The following PPP2R5E variants were observed in gnomAD, a reference collection of about 807,000 sequenced individuals.
PPP2R5E encodes protein phosphatase 2 regulatory subunit B'epsilon.
In PPP2R5E, 4 loss-of-function variants were observed where a neutral mutation model predicts 65.3. The observed-to-expected ratio is 0.06, with a 90% CI of 0.03 to 0.14. PPP2R5E has a LOEUF of 0.14. Ranked by LOEUF, PPP2R5E falls within the 10% of genes least tolerant of loss-of-function variation. The probability of loss-of-function intolerance (pLI) is 1.00; values close to 1 mark genes in which losing one functional copy is unlikely to be tolerated. For missense variants in PPP2R5E, 274 were observed against 556.1 expected (o/e 0.49, Z 5.10); for synonymous variants, 183 against 187.4 (o/e 0.98, Z 0.19).
intron 2 of PPP2R5E, among the ~76,000 whole-genome samples, chr14:63,456,743 G>A (rs1889147970): frequency 6.6e-6 from 1 of 152,208 alleles, no homozygotes; most frequent in Non-Finnish European, 1.5e-5. Context: ...GAAACACAGT[G>A]AAAGACCAGA....
intron 13 of PPP2R5E, among the ~76,000 whole-genome samples, chr14:63,378,033 A>C (rs1884090297): frequency 6.6e-6 from 1 of 152,212 alleles, no homozygotes; most frequent in South Asian, 2.1e-4. Flanking sequence ...CTCCTGGTGC[A>C]TTCCAGATTC....
chr14:63,538,198 G>A (rs1893751427), intron 2 of PPP2R5E, among the ~76,000 whole-genome samples: 2 of 151,876 alleles, frequency 1.3e-5, no homozygotes, highest in Non-Finnish European at 2.9e-5. Context: ...CCGGCTACTC[G>A]GGAAAGGGAG....
At chr14:63,422,576 AT>A (rs952054395) in intron 3 of PPP2R5E, among the ~76,000 whole-genome samples, 2 of 152,070 alleles carry the variant, frequency 1.3e-5, no homozygotes, top group African/African-American at 4.8e-5. Flanking sequence ...AACACAAAAA[AT>A]TAGCCGGGCG....
At chr14:63,508,087 C>T (rs1365004158) in intron 2 of PPP2R5E, 2 of 952,782 alleles carry the variant, frequency 2.1e-6, no homozygotes, top group Admixed American at 6.2e-5. Flanking sequence ...AACCCTCACT[C>T]CACCCTCCTT....
chr14:63,495,653 A>G (rs1891521315), intron 2 of PPP2R5E, among the ~76,000 whole-genome samples: 1 of 151,770 alleles, frequency 6.6e-6, no homozygotes, highest in Non-Finnish European at 1.5e-5. Context: ...AATATATACT[A>G]ATTTCTTTTC....
chr14:63,452,346 T>C (rs1888892855), intron 3 of PPP2R5E: 2 of 152,208 alleles, frequency 1.3e-5, no homozygotes, highest in Admixed American at 1.3e-4. Flanking sequence ...TTCTCAACAG[T>C]GGCACTTGTG....
At chr14:63,527,164 C>T (rs910686048) in intron 2 of PPP2R5E, among the ~76,000 whole-genome samples, 1 of 151,630 alleles carries the variant, frequency 6.6e-6, no homozygotes, top group Non-Finnish European at 1.5e-5. Flanking sequence ...AGGGAAACTC[C>T]GTCTCAAAAA....
chr14:63,464,198 C>G (rs1353585907), intron 2 of PPP2R5E, among the ~76,000 whole-genome samples: 1 of 151,996 alleles, frequency 6.6e-6, no homozygotes, highest in Non-Finnish European at 1.5e-5. Context: ...GAAGAGGAGA[C>G]AAAAGTCCTG....
chr14:63,519,817 A>G (rs979575312), intron 2 of PPP2R5E, among the ~76,000 whole-genome samples: 9 of 150,434 alleles, frequency 6.0e-5, no homozygotes, highest in African/African-American at 2.2e-4. Flanking sequence ...ATGTGCCACC[A>G]TGTCCGGCTA....
In PPP2R5E at chr14:63,519,647, C is replaced by T. The variant is rs190232893; in HGVS notation, c.157+19882G>A. The stretch of plus-strand genomic sequence containing the variant: ...GGGATGACAGGCATGAGCCACCGTG[C>T]CTGGCCTAAGGACAAACTCTCTTTT... On this transcript the variant is annotated intron_variant, in intron 2 of 13. Transcript: ENST00000337537. Among the ~76,000 whole-genome samples the T allele has an allele frequency of 2.3e-3, 349 of 150,820 alleles. 1 individual carries two copies. The Middle Eastern group carries it at 0.038, about 16-fold the overall frequency.
chr14:63,410,962 G>A (rs1474243854), intron 5 of PPP2R5E, among the ~76,000 whole-genome samples: 2 of 152,132 alleles, frequency 1.3e-5, no homozygotes, highest in Admixed American at 6.5e-5. Context: ...GGAAGGGGCT[G>A]AAAACATAAA....
At chr14:63,399,950 C>G (rs1052913615) in intron 5 of PPP2R5E, among the ~76,000 whole-genome samples, 2 of 152,096 alleles carry the variant, frequency 1.3e-5, no homozygotes, top group Admixed American at 6.5e-5. Context: ...ATCGAATGTG[C>G]TTTTGTTCGG....
chr14:63,459,913 G>A (rs776162986), intron 2 of PPP2R5E, among the ~76,000 whole-genome samples: 3 of 152,160 alleles, frequency 2.0e-5, no homozygotes, highest in South Asian at 2.1e-4. Context: ...CAGTGAAAGC[G>A]TTCTTTCTTG....
intron 5 of PPP2R5E, among the ~76,000 whole-genome samples, chr14:63,405,940 A>ATC (rs1456546098): frequency 6.6e-6 from 1 of 152,206 alleles, no homozygotes; most frequent in African/African-American, 2.4e-5. Flanking sequence ...TCTTTGATAA[A>ATC]TCTCTAACAG....
At chr14:63,444,233 G>A (rs1305556573) in intron 3 of PPP2R5E, among the ~76,000 whole-genome samples, 1 of 152,130 alleles carries the variant, frequency 6.6e-6, no homozygotes, top group Non-Finnish European at 1.5e-5. Context: ...TGTGGTTTGG[G>A]AATTCCTTTG....
Position 63,491,349 on chromosome 14 carries a change from T to A in PPP2R5E, c.158-37464A>T, listed in dbSNP as rs552161039. 3.3e-5 allele frequency among the ~76,000 whole-genome samples: 5 copies of A among 152,128 alleles called. No individual in the cohort carries two copies. In the South Asian group the frequency reaches 1.0e-3, roughly 32 times the overall value. On this transcript the variant is annotated intron_variant, in intron 2 of 13. Coordinates refer to ENST00000337537, the MANE Select transcript of PPP2R5E (RefSeq NM_006246.5). ...GAGTGATATATTCATGTAACAAACC[T>A]GTACGTGGACTCCCTGAATCTATAA...
At chr14:63,471,254 A>G (rs72714267) in intron 2 of PPP2R5E, among the ~76,000 whole-genome samples, 3,002 of 152,278 alleles carry the variant, frequency 0.02, 47 homozygotes, top group Admixed American at 0.044. Context: ...CATTCATACA[A>G]CTCTCACAAG....
chr14:63,376,938 C>T (rs1051272196), intron 13 of PPP2R5E, among the ~76,000 whole-genome samples: 8 of 151,814 alleles, frequency 5.3e-5, no homozygotes, highest in Non-Finnish European at 7.4e-5. Context: ...GAGGCCGAGG[C>T]GGGTGGATCA....
intron 5 of PPP2R5E, among the ~76,000 whole-genome samples, chr14:63,404,850 G>A (rs961788080): frequency 6.6e-6 from 1 of 152,086 alleles, no homozygotes; most frequent in Non-Finnish European, 1.5e-5. Flanking sequence ...AACCTATTTG[G>A]TCAGCAATTC....
Sources: gnomAD v4.1 joint callset for allele counts (sites outside exome capture counted in the v4.1 genomes callset) on GRCh38, gnomAD v4.1.1 for gene constraint, MANE v1.5 for transcripts, NCBI Gene and HGNC (gene_info 2026-07-23, HGNC 2026-07-21) for gene names.